PLXDC2: variants seen among roughly 807,000 people sequenced by gnomAD.
The protein encoded by PLXDC2 is plexin domain containing 2.
In PLXDC2, 40 loss-of-function variants were observed where a neutral mutation model predicts 68.9. The observed-to-expected ratio is 0.58, with a 90% confidence interval of 0.45 to 0.76. The LOEUF (loss-of-function observed/expected upper bound fraction) is 0.76. PLXDC2 is among the 30% of genes least tolerant of loss of function. The pLI, the probability that PLXDC2 is intolerant of heterozygous loss-of-function variation, is 0.00. For synonymous variants in PLXDC2, 243 were observed against 234.2 expected (o/e 1.04, Z -0.34); for missense variants, 644 against 661.9 (o/e 0.97, Z 0.30).
At chr10:20,269,758 C>T (rs1278684056) in intron 13 of PLXDC2, among the ~76,000 whole-genome samples, 1 of 152,132 alleles carries the variant, frequency 6.6e-6, no homozygotes, top group African/African-American at 2.4e-5. Context: ...TGGCTCACAC[C>T]TGTGATCCCA....
At chr10:19,970,299 A>ATCAACTG (rs1304897071) in intron 1 of PLXDC2, among the ~76,000 whole-genome samples, 1 of 152,224 alleles carries the variant, frequency 6.6e-6, no homozygotes, top group African/African-American at 2.4e-5. Flanking sequence ...CTTTGTATGC[A>ATCAACTG]TCAACTGCCT....
intron 1 of PLXDC2, among the ~76,000 whole-genome samples, chr10:19,907,497 A>C (rs115614342): frequency 0.017 from 2,515 of 152,332 alleles, 80 homozygotes; most frequent in African/African-American, 0.057. Flanking sequence ...GACTCAGTCC[A>C]TGATCTGCAA....
rs565229554 is a variant in PLXDC2, at chr10:20,085,408, G to A, written c.541+17169G>A. ...AGGGCCTGCTCTGGAATTTCCGTGC[G>A]GGAGGTGCTGAGGGTCAGTAACCTG... On this transcript the variant is annotated intron_variant, in intron 4 of 13. Transcript: ENST00000377252. Among the ~76,000 whole-genome samples, 14 of 152,158 alleles carry A rather than the reference G, an allele frequency of 9.2e-5. No individual in the cohort carries two copies. The South Asian group carries it at 1.2e-3, about 14-fold the overall frequency.
Position 20,143,350 on chromosome 10 carries a change from A to G in PLXDC2, c.597A>G (p.Ile199Met). 1 of 1,613,288 alleles carries G rather than the reference A, an allele frequency of 6.2e-7. No homozygotes were observed. Among genetic ancestry groups the G allele is most frequent in the Non-Finnish European group, 8.5e-7 (1 of 1,179,368 alleles). The change falls in exon 5 of 14, where the codon ATA becomes ATG. Residue 199 changes from isoleucine (I) to methionine (M), a missense_variant. Coordinates refer to ENST00000377252, the MANE Select transcript of PLXDC2 (RefSeq NM_032812.9). ...GAATGCTAACAGCCACACAGTACAT[A>G]GCACCTTTAATGGCAAATTTCGATC... ...VHRMLTATQY[I>M]APLMANFDPS...
At position 20,092,523 on chromosome 10, in the gene PLXDC2, T is replaced by C. The variant is rs555349030; in HGVS notation, c.541+24284T>C. Among the ~76,000 whole-genome samples the C allele has an allele frequency of 1.1e-3, 161 of 152,278 alleles. 1 individual carries two copies. The highest frequency in any genetic ancestry group is 3.8e-3 in the African/African-American group (158 of 41,564). The stretch of plus-strand genomic sequence containing the variant: ...TAAAAATGCTTACAAGGTGTTTAAA[T>C]TTTGGAAATATATTTTGGACAAATC... On this transcript the variant is annotated intron_variant, in intron 4 of 13. Transcript: ENST00000377252.
At chr10:20,170,281 C>T (rs1376298808) in intron 7 of PLXDC2, among the ~76,000 whole-genome samples, 1 of 152,156 alleles carries the variant, frequency 6.6e-6, no homozygotes, top group Non-Finnish European at 1.5e-5. Flanking sequence ...ACCTCCCCCT[C>T]CGGGGTTCAA....
intron 1 of PLXDC2, among the ~76,000 whole-genome samples, chr10:19,983,912 G>C (rs988787541): frequency 6.6e-6 from 1 of 152,004 alleles, no homozygotes; most frequent in African/African-American, 2.4e-5. Context: ...TTAGTACCTG[G>C]CCTGCCCAGC....
chr10:19,933,692 A>T (rs1471957640), intron 1 of PLXDC2, among the ~76,000 whole-genome samples: 1 of 152,016 alleles, frequency 6.6e-6, no homozygotes, highest in Non-Finnish European at 1.5e-5. Context: ...GTGCACACAC[A>T]CACACACAAA....
intron 1 of PLXDC2, among the ~76,000 whole-genome samples, chr10:19,858,586 C>A (rs1032879620): frequency 6.6e-6 from 1 of 152,168 alleles, no homozygotes; most frequent in African/African-American, 2.4e-5. Context: ...GTTTAGATTT[C>A]TGTCTTCTTA....
chr10:20,036,150 A>AC (rs997625989), intron 2 of PLXDC2, among the ~76,000 whole-genome samples: 2 of 151,974 alleles, frequency 1.3e-5, no homozygotes, highest in Non-Finnish European at 2.9e-5. Flanking sequence ...CTAACGTTGT[A>AC]CCCCCCGCCC....
intron 4 of PLXDC2, among the ~76,000 whole-genome samples, chr10:20,116,305 G>A (rs1387986299): frequency 1.3e-5 from 2 of 152,134 alleles, no homozygotes; most frequent in Admixed American, 6.5e-5. Context: ...CACTTGGAAG[G>A]TCTTTTTCTC....
chr10:20,021,227 T>C (rs1160690929), intron 2 of PLXDC2, among the ~76,000 whole-genome samples: 1 of 152,172 alleles, frequency 6.6e-6, no homozygotes, highest in African/African-American at 2.4e-5. Context: ...TGTTTTGTTT[T>C]AGCACATAGT....
chr10:20,080,653 A>C (rs7071511), intron 4 of PLXDC2, among the ~76,000 whole-genome samples: 106,800 of 152,046 alleles, frequency 0.7, 39,581 homozygotes, highest in East Asian at 1. Context: ...ATGGTGCCCA[A>C]CCCCATTGAG....
At chr10:19,934,492 C>G (rs1227058790) in intron 1 of PLXDC2, among the ~76,000 whole-genome samples, 1 of 152,178 alleles carries the variant, frequency 6.6e-6, no homozygotes, top group African/African-American at 2.4e-5. Flanking sequence ...CGTAAGTGCA[C>G]CAGTGTGAGG....
intron 1 of PLXDC2, among the ~76,000 whole-genome samples, chr10:19,964,892 A>G (rs1834222952): frequency 6.6e-6 from 1 of 152,108 alleles, no homozygotes. Flanking sequence ...TTCTGTTGCA[A>G]CCACTTTGCA....
intron 1 of PLXDC2, among the ~76,000 whole-genome samples, chr10:19,873,059 G>T (rs146751972): frequency 1.4e-4 from 21 of 152,096 alleles, no homozygotes; most frequent in Non-Finnish European, 2.5e-4. Flanking sequence ...CAAAACGGTC[G>T]GTACAGGTTC....
At chr10:19,873,942 T>C (rs1837589213) in intron 1 of PLXDC2, among the ~76,000 whole-genome samples, 1 of 152,162 alleles carries the variant, frequency 6.6e-6, no homozygotes, top group African/African-American at 2.4e-5. Context: ...GAGGTTTTTT[T>C]CTTTATGTTG....
At chr10:19,847,707 C>T (rs1421875207) in intron 1 of PLXDC2, among the ~76,000 whole-genome samples, 3 of 152,192 alleles carry the variant, frequency 2.0e-5, no homozygotes, top group Non-Finnish European at 4.4e-5. Context: ...TCATAGCTAA[C>T]ATACATTCTG....
chr10:19,880,022 T>C (rs1268405324), intron 1 of PLXDC2, among the ~76,000 whole-genome samples: 1 of 152,208 alleles, frequency 6.6e-6, no homozygotes, highest in African/African-American at 2.4e-5. Flanking sequence ...AACTGCAACA[T>C]GAGACAACAT....
Sources: gnomAD v4.1 joint callset for allele counts (sites outside exome capture counted in the v4.1 genomes callset) on GRCh38, gnomAD v4.1.1 for gene constraint, MANE v1.5 for transcripts, NCBI Gene and HGNC (gene_info 2026-07-23, HGNC 2026-07-21) for gene names.